The following AKT3 variants were observed in gnomAD, a reference collection of about 807,000 sequenced individuals.
The protein encoded by AKT3 is AKT serine/threonine kinase 3.
A neutral mutation model predicts 65.3 loss-of-function variants in AKT3; 15 were observed. The ratio of observed to expected loss-of-function variants is 0.23; its 90% CI spans 0.15 to 0.35. The LOEUF (loss-of-function observed/expected upper bound fraction) is 0.35, where lower values mean the gene tolerates loss of function less well. Among genes scored for constraint, AKT3 ranks in the 10% least tolerant of loss-of-function variants. The pLI, the probability that AKT3 is intolerant of heterozygous loss-of-function variation, is 1.00. For synonymous variants in AKT3, 206 were observed against 183.8 expected, an observed-to-expected ratio of 1.12 and a Z score of -0.98; for missense variants, 243 against 576.5, an observed-to-expected ratio of 0.42 and a Z score of 5.92.
rs1233986150 is a variant in AKT3, at chr1:243,795,462, GT to G, written c.46+47662del. 5.8e-4 allele frequency among the ~76,000 whole-genome samples: 61 copies of G among 105,386 alleles called. 1 individual carries two copies. The highest frequency in any genetic ancestry group is 1.4e-3 in the African/African-American group (41 of 29,334). The allele number at this position is 105,386 out of a possible 152,430, so 69.1% of individuals were successfully genotyped here. A position where few individuals can be genotyped will look rare whatever the true frequency, so the allele number is the denominator to read the frequency against. On this transcript the variant is annotated intron_variant, in intron 2 of 13. Coordinates refer to ENST00000673466, the MANE Select transcript of AKT3 (RefSeq NM_005465.7). ...CTTGATCTCCTTGTTTTTTTTTTTT[GT>G]TTTTTTTTTTTGGTTTTTTTTTTTT...
intron 3 of AKT3, among the ~76,000 whole-genome samples, chr1:243,675,585 A>C (rs1267052714): frequency 6.6e-6 from 1 of 152,212 alleles, no homozygotes; most frequent in Non-Finnish European, 1.5e-5. Flanking sequence ...TTTTGCTGGT[A>C]AATCACTCAA....
At chr1:243,662,367 T>C (rs888163680) in intron 4 of AKT3, among the ~76,000 whole-genome samples, 3 of 152,064 alleles carry the variant, frequency 2.0e-5, no homozygotes, top group Non-Finnish European at 2.9e-5. Flanking sequence ...CATGGAATAC[T>C]ATGCAGCCAT....
chr1:243,637,106 T>A (rs1208766787), intron 6 of AKT3, among the ~76,000 whole-genome samples: 1 of 152,086 alleles, frequency 6.6e-6, no homozygotes, highest in South Asian at 2.1e-4. Context: ...GTTATTTATT[T>A]AAAAAGGTCT....
At chr1:243,578,207 A>G (rs930333265) in intron 8 of AKT3, among the ~76,000 whole-genome samples, 7 of 152,180 alleles carry the variant, frequency 4.6e-5, no homozygotes, top group African/African-American at 1.7e-4. Context: ...AGGAATACAA[A>G]TCATTCTACT....
chr1:243,683,424 T>A (rs1382017664), intron 3 of AKT3, among the ~76,000 whole-genome samples: 1 of 152,168 alleles, frequency 6.6e-6, no homozygotes, highest in African/African-American at 2.4e-5. Flanking sequence ...CTCCTATGTT[T>A]CCAAATTGTG....
chr1:243,502,647 A>G lies in AKT3; in HGVS notation c.*2602T>C. On this transcript the variant is annotated 3_prime_UTR_variant, in exon 14 of 14. Coordinates refer to ENST00000673466, the MANE Select transcript of AKT3 (RefSeq NM_005465.7). ...ATTTCTGGTTTTCTATTATTCCTCCATGGCAGCTGACAGATCTGGAAGTGA... is the reference window on the plus strand; with the variant it reads ...ATTTCTGGTTTTCTATTATTCCTCCGTGGCAGCTGACAGATCTGGAAGTGA... The G allele has an allele frequency of 4.3e-6, 1 of 233,232 alleles. No homozygotes were observed. The highest frequency in any genetic ancestry group is 8.5e-6 in the Non-Finnish European group (1 of 118,024). 14.4% of individuals were successfully genotyped at this position (233,232 alleles called of 1,614,324 possible).
chr1:243,633,986 G>C (rs867693426), intron 6 of AKT3, among the ~76,000 whole-genome samples: 1 of 151,902 alleles, frequency 6.6e-6, no homozygotes. Context: ...TGAGACCCTG[G>C]TATTTGCCTA....
chr1:243,627,678 A>C (rs1318036885), intron 6 of AKT3, among the ~76,000 whole-genome samples: 1 of 152,206 alleles, frequency 6.6e-6, no homozygotes, highest in East Asian at 1.9e-4. Context: ...CCAGGGTCTA[A>C]CCAAACTGTG....
upstream of AKT3, chr1:243,850,964 G>C (rs1695762979): frequency 6.6e-6 from 1 of 152,090 alleles, no homozygotes; most frequent in Non-Finnish European, 1.5e-5. Flanking sequence ...CCCTGGCCGC[G>C]GACGCGCGCG....
At chr1:243,695,518 C>G in intron 3 of AKT3, 73 bp downstream of exon 3, 1 of 1,387,824 alleles carries the variant, frequency 7.2e-7, no homozygotes, top group Non-Finnish European at 9.7e-7. Flanking sequence ...TCTCATATAG[C>G]CTAAGATATC....
chr1:243,702,554 GATACTA>G (rs549070917), intron 2 of AKT3, among the ~76,000 whole-genome samples: 161 of 152,238 alleles, frequency 1.1e-3, no homozygotes, highest in African/African-American at 3.7e-3. Context: ...GTTAGCAAGT[GATACTA>G]ATACTAATAC....
At position 243,686,651 on chromosome 1, in the gene AKT3, A is replaced by ATTT. The variant is rs143487611; in HGVS notation, c.172+8937_172+8939dup. On this transcript the variant is annotated intron_variant, in intron 3 of 13. Coordinates refer to ENST00000673466, the MANE Select transcript of AKT3 (RefSeq NM_005465.7). ...TTTTCATATATATATATATATATATATTTTTTTTTTTTTTTTTTTTTTTTT... is the reference window on the plus strand; with the variant it reads ...TTTTCATATATATATATATATATATATTTTTTTTTTTTTTTTTTTTTTTTTTTT... Among the ~76,000 whole-genome samples, 17 of 23,524 alleles carry ATTT rather than the reference A, an allele frequency of 7.2e-4. 6 individuals carry two copies. The highest frequency in any genetic ancestry group is 3.2e-3 in the East Asian group (3 of 924). The allele number at this position is 23,524 out of a possible 152,430, so 15.4% of individuals were successfully genotyped here.
At chr1:243,531,337 C>T (rs541122089) in intron 12 of AKT3, among the ~76,000 whole-genome samples, 6 of 152,256 alleles carry the variant, frequency 3.9e-5, no homozygotes, top group South Asian at 2.1e-4. Context: ...CTACCTTGGC[C>T]TCCCAAAATG....
chr1:243,524,474 G>C (rs1266750302), intron 12 of AKT3, among the ~76,000 whole-genome samples: 1 of 152,196 alleles, frequency 6.6e-6, no homozygotes, highest in African/African-American at 2.4e-5. Flanking sequence ...TCTCTAAAAA[G>C]AGGTCTGAAT....
At chr1:243,559,378 A>T (rs761467595) in intron 10 of AKT3, among the ~76,000 whole-genome samples, 1 of 152,174 alleles carries the variant, frequency 6.6e-6, no homozygotes, top group Non-Finnish European at 1.5e-5. Flanking sequence ...ATGCTTCCCA[A>T]GTTGGAAAAC....
intron 2 of AKT3, among the ~76,000 whole-genome samples, chr1:243,724,880 C>G (rs1687114816): frequency 6.6e-6 from 1 of 151,916 alleles, no homozygotes; most frequent in African/African-American, 2.4e-5. Context: ...AAATATCCTA[C>G]AATATAGAAG....
chr1:243,843,231 G>T lies in AKT3; in HGVS notation c.-61C>A, dbSNP rs1435903621. ...GGTACTTTGTGATATCAGCTTTAGG[G>T]TTTGGATTCTCTGCTGCTGCTGCCC... On this transcript the variant is annotated 5_prime_UTR_variant, in exon 2 of 14. Transcript: ENST00000673466. 18 of 1,578,328 alleles carry T rather than the reference G, an allele frequency of 1.1e-5. No individual in the cohort carries two copies. In the East Asian group the frequency reaches 3.9e-4, roughly 34 times the overall value.
intron 2 of AKT3, among the ~76,000 whole-genome samples, chr1:243,786,322 C>T (rs1158678594): frequency 6.6e-6 from 1 of 152,092 alleles, no homozygotes; most frequent in Non-Finnish European, 1.5e-5. Context: ...CATAATTTTC[C>T]CAAAGACTTC....
intron 2 of AKT3, among the ~76,000 whole-genome samples, chr1:243,718,476 GTC>G (rs1377563561): frequency 6.6e-6 from 1 of 151,804 alleles, no homozygotes; most frequent in Non-Finnish European, 1.5e-5. Context: ...TTTTCAGACA[GTC>G]TCTCTCTGTC....
Sources: allele counts gnomAD v4.1 joint callset (sites outside exome capture counted in the v4.1 genomes callset), GRCh38; gene constraint gnomAD v4.1.1; transcripts MANE v1.5; gene names NCBI Gene and HGNC (gene_info 2026-07-23, HGNC 2026-07-21).